The following JUP variants were observed in gnomAD, a reference collection of about 807,000 sequenced individuals.
JUP encodes catenin (cadherin-associated protein), gamma 80kDa.
JUP carries 28 observed loss-of-function variants against 71.1 expected under a neutral mutation model. That is an observed-to-expected ratio of 0.39 (90% CI 0.29 to 0.54). The LOEUF (loss-of-function observed/expected upper bound fraction) is 0.54, where lower values mean the gene tolerates loss of function less well. Among genes scored for constraint, JUP ranks in the 20% least tolerant of loss-of-function variants. The pLI is 0.62. For synonymous variants in JUP, 401 were observed against 438.9 expected (o/e 0.91, Z 1.08); for missense variants, 869 against 1,030.1 (o/e 0.84, Z 2.14).
chr17:41,785,672 CT>C (rs2047422452), intron 1 of JUP, among the ~76,000 whole-genome samples: 1 of 152,230 alleles, frequency 6.6e-6, no homozygotes, highest in South Asian at 2.1e-4. Flanking sequence ...ATACTTCCTC[CT>C]GCAAAGTTTG....
At chr17:41,758,278 C>T in intron 10 of JUP, 121 bp downstream of exon 10, 1 of 1,342,114 alleles carries the variant, frequency 7.5e-7, no homozygotes, top group South Asian at 1.3e-5. Flanking sequence ...TGGCAACTTT[C>T]CTCCAAACTC....
At chr17:41,762,123 C>CAGAGAG (rs528611507) in intron 8 of JUP, among the ~76,000 whole-genome samples, 1 of 69,196 alleles carries the variant, frequency 1.4e-5, no homozygotes, top group African/African-American at 6.8e-5. Context: ...TGCAGAGAGA[C>CAGAGAG]AGAGAGAGAG....
chr17:41,759,413 C>T (rs149619168), intron 8 of JUP, among the ~76,000 whole-genome samples: 57 of 152,220 alleles, frequency 3.7e-4, no homozygotes, highest in African/African-American at 1.3e-3. Context: ...TAAAATGACA[C>T]CCCATTCCAG....
chr17:41,768,995 G>A lies in JUP; in HGVS notation c.681C>T (p.Gly227=), dbSNP rs1555605136. 6.2e-7 allele frequency: 1 copy of A among 1,608,258 alleles called. No homozygotes were observed. The highest frequency in any genetic ancestry group is 1.7e-5 in the Admixed American group (1 of 59,248). ...EGLLAIFKSG[G]IPALVRMLSS... is the part of the protein sequence containing the mutation. ...TGAGCATGCGGACCAGAGCAGGGATGCCACCCGACTTGAAGATGGCGAGCA... is the reference window on the plus strand; with the variant it reads ...TGAGCATGCGGACCAGAGCAGGGATACCACCCGACTTGAAGATGGCGAGCA... Residue 227 remains glycine (G), a synonymous_variant, in exon 4 of 14, where the codon GGC becomes GGT. Coordinates refer to ENST00000393931, the MANE Select transcript of JUP (RefSeq NM_002230.4).
At chr17:41,756,454 G>T (rs1243990432) in intron 12 of JUP, among the ~76,000 whole-genome samples, 1 of 152,090 alleles carries the variant, frequency 6.6e-6, no homozygotes, top group African/African-American at 2.4e-5. Context: ...AAAAAAATTA[G>T]CTGGGCGTGG....
chr17:41,772,998 G>A (rs1481258686), intron 1 of JUP: 12 of 985,408 alleles, frequency 1.2e-5, no homozygotes, highest in Non-Finnish European at 1.4e-5. Flanking sequence ...ACACCGTCAT[G>A]CTCATGGGCG....
At position 41,769,408 on chromosome 17, in the gene JUP, C is replaced by G; in HGVS notation, c.468+10G>C. ...GCCCAGCCCCCACCCTAGCAGGGAC[C>G]CTCACAGACCGGGTCCTCGTCGTTG... On this transcript the variant is annotated intron_variant, in intron 3 of 13. Transcript: ENST00000393931. 6.2e-7 allele frequency: 1 copy of G among 1,608,396 alleles called. No individual in the cohort carries two copies. The highest frequency in any genetic ancestry group is 1.1e-5 in the South Asian group (1 of 90,142).
At chr17:41,782,629 G>C (rs1479292163) in intron 1 of JUP, among the ~76,000 whole-genome samples, 1 of 152,024 alleles carries the variant, frequency 6.6e-6, no homozygotes, top group Admixed American at 6.6e-5. Context: ...TGGCCTTGGG[G>C]AGAAGCCGCT....
Position 41,755,354 on chromosome 17 carries a change from C to T in JUP, c.*390G>A, listed in dbSNP as rs1454852702. On this transcript the variant is annotated 3_prime_UTR_variant, in exon 14 of 14. Coordinates refer to ENST00000393931, the MANE Select transcript of JUP (RefSeq NM_002230.4). ...GCGCAGGGTGCAGCAGGAAGTTACACCCCGGCTTCCCCAGCTCAGGCACTT... is the reference window on the plus strand; with the variant it reads ...GCGCAGGGTGCAGCAGGAAGTTACATCCCGGCTTCCCCAGCTCAGGCACTT... The T allele has an allele frequency of 4.9e-6, 2 of 404,828 alleles. No homozygotes were observed. Among genetic ancestry groups the T allele is most frequent in the Admixed American group, 8.4e-5 (2 of 23,704 alleles). 25.1% of individuals were successfully genotyped at this position (404,828 alleles called of 1,614,324 possible). A position where few individuals can be genotyped will look rare whatever the true frequency, so the allele number is the denominator to read the frequency against.
chr17:41,759,208 C>A (rs985104862), intron 8 of JUP, among the ~76,000 whole-genome samples: 2 of 151,664 alleles, frequency 1.3e-5, no homozygotes, highest in Non-Finnish European at 2.9e-5. Flanking sequence ...TGAGTAGCTG[C>A]GATTACAGGT....
chr17:41,766,917 C>A (rs1238463347), intron 5 of JUP, among the ~76,000 whole-genome samples: 1 of 150,726 alleles, frequency 6.6e-6, no homozygotes, highest in Non-Finnish European at 1.5e-5. Flanking sequence ...CGTGGTAGCA[C>A]ACGCCTGAAG....
At chr17:41,776,090 T>A in intron 1 of JUP, 1 of 590,134 alleles carries the variant, frequency 1.7e-6, no homozygotes, top group Non-Finnish European at 2.1e-6. Context: ...AGGACAGGAG[T>A]GGGTTACCCC....
In JUP at chr17:41,773,692, C is replaced by T. The variant is rs181402342; in HGVS notation, c.-8-1830G>A. On this transcript the variant is annotated intron_variant, in intron 1 of 13. Transcript: ENST00000393931. ...AGGAAACAGGGGCAATGGTGGGGGG[C>T]GGGGGGCGGGGTGCTCGGAGAAGGC... Among the ~76,000 whole-genome samples the T allele has an allele frequency of 6.7e-3, 969 of 144,286 alleles. 10 individuals carry two copies. The highest frequency in any genetic ancestry group is 0.023 in the African/African-American group (932 of 40,134). 94.7% of individuals were successfully genotyped at this position (144,286 alleles called of 152,430 possible). A position where few individuals can be genotyped will look rare whatever the true frequency, so the allele number is the denominator to read the frequency against.
chr17:41,760,653 C>A (rs1258085774), intron 8 of JUP, among the ~76,000 whole-genome samples: 3 of 152,134 alleles, frequency 2.0e-5, no homozygotes, highest in Non-Finnish European at 2.9e-5. Context: ...CTCTGCCTTC[C>A]GGGTTCAAGT....
intron 1 of JUP, among the ~76,000 whole-genome samples, chr17:41,783,516 T>C (rs1341134698): frequency 6.6e-6 from 1 of 152,008 alleles, no homozygotes; most frequent in Non-Finnish European, 1.5e-5. Context: ...CTGGAACTCC[T>C]GGGCTCAATC....
Position 41,755,699 on chromosome 17 carries a change from G to C in JUP, c.*45C>G. On this transcript the variant is annotated 3_prime_UTR_variant, in exon 14 of 14. Coordinates refer to ENST00000393931, the MANE Select transcript of JUP (RefSeq NM_002230.4). ...CTCCAACAGAAGGAGGTTCTAGAGAGGAGGAAAAGCCTGCAAAGAGGGGGC... is the reference window on the plus strand; with the variant it reads ...CTCCAACAGAAGGAGGTTCTAGAGACGAGGAAAAGCCTGCAAAGAGGGGGC... 1 of 1,511,478 alleles carries C rather than the reference G, an allele frequency of 6.6e-7. No homozygotes were observed. The allele number at this position is 1,511,478 out of a possible 1,614,324, so 93.6% of individuals were successfully genotyped here.
At chr17:41,765,223 T>TG (rs1392472439) in intron 5 of JUP, among the ~76,000 whole-genome samples, 156 bp from the exon 6 acceptor site, 3 of 152,142 alleles carry the variant, frequency 2.0e-5, no homozygotes, top group Non-Finnish European at 4.4e-5. Context: ...TTTATAAAGA[T>TG]GGGGGTCTCA....
chr17:41,768,840 C>T, intron 4 of JUP, 129 bp downstream of exon 4: 3 of 778,790 alleles, frequency 3.9e-6, no homozygotes, highest in Middle Eastern at 2.4e-4. Flanking sequence ...ACCGAGCACC[C>T]GGATGGGGTG....
At chr17:41,772,048 C>A in intron 1 of JUP, 186 bp from the exon 2 acceptor site, 1 of 673,430 alleles carries the variant, frequency 1.5e-6, no homozygotes, top group South Asian at 1.7e-5. Context: ...GGGCTGCCCA[C>A]GACGAGATAC....
Sources: gnomAD v4.1 joint callset for allele counts (sites outside exome capture counted in the v4.1 genomes callset) on GRCh38, gnomAD v4.1.1 for gene constraint, MANE v1.5 for transcripts, NCBI Gene and HGNC (gene_info 2026-07-23, HGNC 2026-07-21) for gene names.